COL8A1: variants seen among roughly 807,000 people sequenced by gnomAD.
COL8A1 encodes the protein collagen type VIII alpha 1 chain.
COL8A1 carries 21 observed loss-of-function variants against 42.7 expected under a neutral mutation model. That is an observed-to-expected ratio of 0.49 (90% CI 0.35 to 0.71). The LOEUF is 0.71. Among genes scored for constraint, COL8A1 ranks in the 30% least tolerant of loss-of-function variants. The pLI is 0.01. For missense variants in COL8A1, 788 were observed against 962.4 expected, an observed-to-expected ratio of 0.82 and a Z score of 2.40; for synonymous variants, 367 against 369.1, an observed-to-expected ratio of 0.99 and a Z score of 0.06.
intron 1 of COL8A1, among the ~76,000 whole-genome samples, chr3:99,736,066 C>A (rs1348547731): frequency 1.3e-5 from 2 of 151,862 alleles, no homozygotes; most frequent in Non-Finnish European, 2.9e-5. Context: ...GTCTTGCTAG[C>A]GGTCTATCAA....
intron 1 of COL8A1, among the ~76,000 whole-genome samples, chr3:99,689,775 A>G (rs1449163612): frequency 1.3e-5 from 2 of 152,178 alleles, no homozygotes; most frequent in Admixed American, 1.3e-4. Flanking sequence ...TGCAACCAAC[A>G]TCAGCAAAGC....
In COL8A1 at chr3:99,794,068, G is replaced by C. The variant is rs761632968; in HGVS notation, c.329-162G>C. On this transcript the variant is annotated intron_variant, in intron 3 of 3. Coordinates refer to ENST00000652472, the MANE Select transcript of COL8A1 (RefSeq NM_020351.4). The surrounding 1 kb of genome is among the most constrained non-coding windows in gnomAD (Gnocchi z 4.3). ...TGCCAGGCCTGATTTTTAAGGTCTA[G>C]AAGATGAGCATATTATTCCTAGTCT... is the stretch of plus-strand genomic sequence containing the variant. 1.3e-5 allele frequency among the ~76,000 whole-genome samples: 2 copies of C among 152,186 alleles called. No individual in the cohort carries two copies. The highest frequency in any genetic ancestry group is 2.9e-5 in the Non-Finnish European group (2 of 68,028).
chr3:99,674,788 C>T (rs965817353), intron 1 of COL8A1, among the ~76,000 whole-genome samples: 11 of 151,950 alleles, frequency 7.2e-5, no homozygotes, highest in African/African-American at 2.7e-4. Context: ...TGGGAATTTG[C>T]TACTTAATGA....
At chr3:99,774,420 C>T (rs759188256) in intron 2 of COL8A1, among the ~76,000 whole-genome samples, 2 of 152,008 alleles carry the variant, frequency 1.3e-5, no homozygotes, top group South Asian at 2.1e-4. Context: ...ATGTTTGCTA[C>T]GCAATGTCTT....
intron 2 of COL8A1, among the ~76,000 whole-genome samples, chr3:99,749,055 T>TAC (rs1486126598): frequency 5.9e-5 from 9 of 152,222 alleles, no homozygotes; most frequent in Admixed American, 2.6e-4. Context: ...TTATTCTACC[T>TAC]ACAAAGTCAT....
At chr3:99,767,370 A>C (rs1413942630) in intron 2 of COL8A1, among the ~76,000 whole-genome samples, 1 of 152,224 alleles carries the variant, frequency 6.6e-6, no homozygotes, top group Admixed American at 6.5e-5. Flanking sequence ...GAGCTAAGGA[A>C]ATGTAGCCAG....
chr3:99,724,806 T>C (rs1199839579), intron 1 of COL8A1, among the ~76,000 whole-genome samples: 1 of 152,042 alleles, frequency 6.6e-6, no homozygotes, highest in Non-Finnish European at 1.5e-5. Flanking sequence ...GACATTTCAT[T>C]TAATTCAACA....
At chr3:99,761,339 C>T (rs187699496) in intron 2 of COL8A1, among the ~76,000 whole-genome samples, 39 of 152,088 alleles carry the variant, frequency 2.6e-4, no homozygotes, top group African/African-American at 9.4e-4. Flanking sequence ...TCATGGTACA[C>T]CTAAAGAAAC....
chr3:99,761,562 T>G (rs1941364907), intron 2 of COL8A1, among the ~76,000 whole-genome samples: 1 of 152,206 alleles, frequency 6.6e-6, no homozygotes, highest in South Asian at 2.1e-4. Flanking sequence ...GCAGCCTGTG[T>G]TGAAGCTGTA....
At chr3:99,773,130 C>T (rs1033951839) in intron 2 of COL8A1, among the ~76,000 whole-genome samples, 3 of 152,162 alleles carry the variant, frequency 2.0e-5, no homozygotes, top group Admixed American at 6.5e-5. Flanking sequence ...AAGCATCTAG[C>T]GCAGTGTCAG....
chr3:99,699,650 G>A (rs1231647732), intron 1 of COL8A1, among the ~76,000 whole-genome samples: 1 of 152,116 alleles, frequency 6.6e-6, no homozygotes, highest in Non-Finnish European at 1.5e-5. Flanking sequence ...TGAGCACAGG[G>A]CTTTCTCCAT....
rs775016364 is a variant in COL8A1, at chr3:99,795,063, C to T, written c.1162C>T (p.Pro388Ser). 5.0e-6 allele frequency: 8 copies of T among 1,609,698 alleles called. No individual in the cohort carries two copies. In the Admixed American group the frequency reaches 1.3e-4, roughly 27 times the overall value. ...GPIGAPGIGG[P>S]PGEPGLPGIP... ...AATAGGTGCCCCAGGAATAGGGGGT[C>T]CTCCAGGAGAGCCAGGCCTGCCTGG... Residue 388 changes from proline to serine, a missense_variant, in exon 4 of 4, where the codon CCT becomes TCT. Coordinates refer to ENST00000652472, the MANE Select transcript of COL8A1 (RefSeq NM_020351.4).
At chr3:99,752,061 T>C (rs1576463101) in intron 2 of COL8A1, among the ~76,000 whole-genome samples, 1 of 152,148 alleles carries the variant, frequency 6.6e-6, no homozygotes. Context: ...TAAAATTATA[T>C]ATATTAAGAA....
intron 1 of COL8A1, among the ~76,000 whole-genome samples, chr3:99,738,811 C>T (rs993115059): frequency 2.6e-5 from 4 of 152,200 alleles, no homozygotes; most frequent in African/African-American, 9.7e-5. Flanking sequence ...TGGCGGGCAC[C>T]CCTCCCCCAG....
intron 1 of COL8A1, among the ~76,000 whole-genome samples, chr3:99,639,216 G>A (rs1352878249): frequency 6.6e-6 from 1 of 152,194 alleles, no homozygotes; most frequent in African/African-American, 2.4e-5. Context: ...GGGACAGTAA[G>A]TAATCAGGTG....
intron 1 of COL8A1, among the ~76,000 whole-genome samples, chr3:99,697,752 T>C (rs559776952): frequency 6.6e-6 from 1 of 152,266 alleles, no homozygotes; most frequent in Non-Finnish European, 1.5e-5. Flanking sequence ...AATTTGTGGA[T>C]ACACATTCGA....
intron 1 of COL8A1, among the ~76,000 whole-genome samples, chr3:99,681,729 C>T (rs1322611774): frequency 6.6e-6 from 1 of 152,198 alleles, no homozygotes. Context: ...GGGAGATTTT[C>T]ACCACTTTAA....
intron 1 of COL8A1, among the ~76,000 whole-genome samples, chr3:99,738,120 C>T (rs1044053573): frequency 6.6e-6 from 1 of 152,188 alleles, no homozygotes; most frequent in Non-Finnish European, 1.5e-5. Flanking sequence ...TCTAGTTTTA[C>T]ATTCTTCTAA....
intron 1 of COL8A1, among the ~76,000 whole-genome samples, chr3:99,703,132 G>A (rs2107348534): frequency 6.6e-6 from 1 of 152,300 alleles, no homozygotes; most frequent in South Asian, 2.1e-4. Flanking sequence ...CACTAATGAA[G>A]ATAAGGAACT....
Sources: gnomAD v4.1 joint callset for allele counts (sites outside exome capture counted in the v4.1 genomes callset) on GRCh38, gnomAD v4.1.1 for gene constraint, Gnocchi (gnomAD v3.1) non-coding constraint, MANE v1.5 for transcripts, NCBI Gene and HGNC (gene_info 2026-07-23, HGNC 2026-07-21) for gene names.